Variants in CFTR observed in about 807,000 individuals in gnomAD.
CFTR encodes cystic fibrosis transmembrane conductance regulator.
Under a neutral mutation model 171.6 loss-of-function variants are expected in CFTR, and 181 were observed. The ratio of observed to expected loss-of-function variants is 1.05; its 90% CI spans 0.93 to 1.19. The LOEUF (loss-of-function observed/expected upper bound fraction) is 1.19. Among genes scored for constraint, CFTR ranks in the 50% most tolerant of loss-of-function variants. CFTR has a pLI of 0.00. For synonymous variants in CFTR, 583 were observed against 608.0 expected (o/e 0.96, Z 0.60); for missense variants, 1,968 against 1,734.7 (o/e 1.13, Z -2.39).
chr7:117,575,372 C>A (rs962966648), intron 11 of CFTR, among the ~76,000 whole-genome samples: 1 of 152,072 alleles, frequency 6.6e-6, no homozygotes. Flanking sequence ...TATATATTTT[C>A]ATGTTTGTTA....
chr7:117,514,254 A>G (rs777658257), intron 3 of CFTR, among the ~76,000 whole-genome samples: 7 of 151,930 alleles, frequency 4.6e-5, no homozygotes, highest in Non-Finnish European at 7.4e-5. Context: ...CATAGGTATA[A>G]TGTGCCATGG....
intron 22 of CFTR, among the ~76,000 whole-genome samples, chr7:117,635,167 C>G (rs894968247): frequency 6.6e-6 from 1 of 152,048 alleles, no homozygotes; most frequent in Non-Finnish European, 1.5e-5. Context: ...ATTGGTATGT[C>G]TTTTGGAGCA....
chr7:117,559,430 A>C, intron 10 of CFTR, 34 bp from the exon 11 acceptor site: 1 of 1,378,516 alleles, frequency 7.3e-7, no homozygotes, highest in Non-Finnish European at 1.0e-6. Context: ...GCGTGATTTG[A>C]TAATGACCTA....
At chr7:117,658,154 C>T (rs1013970470) in intron 24 of CFTR, among the ~76,000 whole-genome samples, 6 of 152,046 alleles carry the variant, frequency 3.9e-5, no homozygotes, top group African/African-American at 1.4e-4. Context: ...AGCTTAGGCC[C>T]AGACAGCTTC....
At chr7:117,497,757 A>T (rs1249418671) in intron 1 of CFTR, among the ~76,000 whole-genome samples, 4 of 152,156 alleles carry the variant, frequency 2.6e-5, no homozygotes, top group Non-Finnish European at 5.9e-5. Context: ...ATTAATATTG[A>T]TAGTGAGCAT....
intron 10 of CFTR, among the ~76,000 whole-genome samples, chr7:117,552,175 C>T (rs976180604): frequency 1.3e-5 from 2 of 152,000 alleles, no homozygotes; most frequent in Admixed American, 6.6e-5. Context: ...GTCACCCAGG[C>T]TGAACTTCAG....
chr7:117,492,130 G>T (rs1771870293), intron 1 of CFTR, among the ~76,000 whole-genome samples: 1 of 152,090 alleles, frequency 6.6e-6, no homozygotes, highest in South Asian at 2.1e-4. Context: ...ACTAAAAATA[G>T]GATGAAGGCC....
chr7:117,588,190 C>T (rs1164771923), intron 12 of CFTR, among the ~76,000 whole-genome samples: 1 of 152,098 alleles, frequency 6.6e-6, no homozygotes, highest in Admixed American at 6.6e-5. Flanking sequence ...CCAATGTACA[C>T]ACCAGCTTTA....
chr7:117,632,027 A>T (rs890838103), intron 22 of CFTR, among the ~76,000 whole-genome samples: 1 of 152,188 alleles, frequency 6.6e-6, no homozygotes, highest in Non-Finnish European at 1.5e-5. Context: ...TCAGTAGGAT[A>T]GGGAAAACAG....
Position 117,664,753 on chromosome 7 carries a change from C to T in CFTR, c.4029C>T (p.Gly1343=). Residue 1343 remains glycine, a synonymous_variant, in exon 25 of 27, where the codon GGC becomes GGT. Transcript: ENST00000003084. Reference sequence around the variant, plus strand: ...TTGACTTTGTCCTTGTGGATGGGGGCTGTGTCCTAAGCCATGGCCACAAGC... The same window carrying T: ...TTGACTTTGTCCTTGTGGATGGGGGTTGTGTCCTAAGCCATGGCCACAAGC... The part of the protein sequence containing the change: ...GKLDFVLVDG[G]CVLSHGHKQL... 6.2e-7 allele frequency: 1 copy of T among 1,613,930 alleles called. No homozygotes were observed. Among genetic ancestry groups the T allele is most frequent in the Non-Finnish European group, 8.5e-7 (1 of 1,179,820 alleles).
rs964020994 is a variant in CFTR, at chr7:117,658,376, GT to G, written c.3963+5452del. Among the ~76,000 whole-genome samples, 10 of 152,252 alleles carry G rather than the reference GT, an allele frequency of 6.6e-5. 1 individual carries two copies. Among genetic ancestry groups the G allele is most frequent in the Admixed American group, 3.3e-4 (5 of 15,290 alleles). ...ACTAAGTAAAAGTAACTATAATCATGTTTTTTTAATCTGGACTTCACTTGGT... is the reference window on the plus strand; with the variant it reads ...ACTAAGTAAAAGTAACTATAATCATGTTTTTTAATCTGGACTTCACTTGGT... On this transcript the variant is annotated intron_variant, in intron 24 of 26. Coordinates refer to ENST00000003084, the MANE Select transcript of CFTR (RefSeq NM_000492.4).
intron 1 of CFTR, among the ~76,000 whole-genome samples, chr7:117,500,886 G>A (rs1273832165): frequency 6.6e-6 from 1 of 152,160 alleles, no homozygotes; most frequent in African/African-American, 2.4e-5. Context: ...TCAAAACGAT[G>A]TGTCATGGTG....
At chr7:117,655,716 T>C (rs1352569393) in intron 24 of CFTR, among the ~76,000 whole-genome samples, 2 of 152,212 alleles carry the variant, frequency 1.3e-5, no homozygotes, top group Admixed American at 6.5e-5. Context: ...ATATTCTGTC[T>C]TAGTCCATTG....
At chr7:117,489,539 T>C (rs957585230) in intron 1 of CFTR, among the ~76,000 whole-genome samples, 1 of 152,052 alleles carries the variant, frequency 6.6e-6, no homozygotes, top group African/African-American at 2.4e-5. Flanking sequence ...TGTACAACTC[T>C]GTTATGCTGT....
chr7:117,581,930 A>G (rs964341795), intron 11 of CFTR, among the ~76,000 whole-genome samples: 1 of 151,672 alleles, frequency 6.6e-6, no homozygotes, highest in Non-Finnish European at 1.5e-5. Flanking sequence ...TAAATTTTGC[A>G]TTTTTTGTGG....
intron 1 of CFTR, among the ~76,000 whole-genome samples, chr7:117,480,625 C>T (rs1797987764): frequency 6.6e-6 from 1 of 151,768 alleles, no homozygotes; most frequent in Admixed American, 6.6e-5. Context: ...AAAATATATG[C>T]TTAAAGTATT....
intron 10 of CFTR, among the ~76,000 whole-genome samples, chr7:117,556,837 G>T (rs1370888528): frequency 6.6e-6 from 1 of 151,856 alleles, no homozygotes; most frequent in African/African-American, 2.4e-5. Flanking sequence ...TTCTTATATC[G>T]TATTTTTGCA....
chr7:117,597,324 T>C (rs1194730087), intron 15 of CFTR, among the ~76,000 whole-genome samples: 1 of 152,124 alleles, frequency 6.6e-6, no homozygotes, highest in Non-Finnish European at 1.5e-5. Context: ...TAACACTCAC[T>C]GCAAGGGTCC....
chr7:117,587,612 G>A (rs566985320), intron 11 of CFTR, 127 bp from the exon 12 acceptor site: 3 of 630,376 alleles, frequency 4.8e-6, no homozygotes, highest in East Asian at 2.8e-5. Flanking sequence ...GAGATGCAAT[G>A]TTCAAAATTT....
Sources: gnomAD v4.1 joint callset for allele counts (sites outside exome capture counted in the v4.1 genomes callset) on GRCh38, gnomAD v4.1.1 for gene constraint, MANE v1.5 for transcripts, NCBI Gene and HGNC (gene_info 2026-07-23, HGNC 2026-07-21) for gene names.